The following SFI1 variants were observed in gnomAD, a reference collection of about 807,000 sequenced individuals.
SFI1 encodes protein SFI1 homolog.
A neutral mutation model predicts 207.5 loss-of-function variants in SFI1; 195 were observed. The ratio of observed to expected loss-of-function variants is 0.94; its 90% CI spans 0.84 to 1.06. SFI1 has a LOEUF of 1.06. Ranked by LOEUF, SFI1 falls within the 50% of genes least tolerant of loss-of-function variation. The probability of loss-of-function intolerance (pLI) is 0.00; values close to 1 mark genes in which losing one functional copy is unlikely to be tolerated. For synonymous variants in SFI1, 630 were observed against 598.9 expected, an observed-to-expected ratio of 1.05 and a Z score of -0.76; for missense variants, 1,634 against 1,588.0, an observed-to-expected ratio of 1.03 and a Z score of -0.49.
intron 10 of SFI1, 83 bp from the exon 11 acceptor site, chr22:31,578,299 C>T (rs1168356193): frequency 1.1e-5 from 15 of 1,351,814 alleles, no homozygotes; most frequent in East Asian, 7.3e-5. Flanking sequence ...CCGATAGCCA[C>T]GGCCCTTCAA....
intron 5 of SFI1, among the ~76,000 whole-genome samples, chr22:31,548,830 T>A (rs2060351188): frequency 6.6e-6 from 1 of 151,844 alleles, no homozygotes; most frequent in African/African-American, 2.4e-5. Context: ...AATTCTTTTT[T>A]AAATGAATGT....
At chr22:31,577,226 A>G (rs2063618200) in intron 10 of SFI1, among the ~76,000 whole-genome samples, 1 of 152,170 alleles carries the variant, frequency 6.6e-6, no homozygotes, top group Non-Finnish European at 1.5e-5. Context: ...CCAAGGAGGT[A>G]ATGTTTGTGC....
intron 2 of SFI1, among the ~76,000 whole-genome samples, chr22:31,514,647 C>T (rs1473992013): frequency 1.3e-5 from 2 of 151,860 alleles, no homozygotes; most frequent in African/African-American, 4.8e-5. Flanking sequence ...TCTATGCATT[C>T]AATTATTTTA....
At chr22:31,567,270 A>ATT (rs1465717797) in intron 8 of SFI1, among the ~76,000 whole-genome samples, 1 of 152,204 alleles carries the variant, frequency 6.6e-6, no homozygotes, top group Non-Finnish European at 1.5e-5. Flanking sequence ...AAATTGTCAT[A>ATT]TTGAGTCATT....
chr22:31,557,200 A>T (rs903460433), intron 7 of SFI1, 141 bp downstream of exon 7: 3 of 602,748 alleles, frequency 5.0e-6, no homozygotes, highest in Non-Finnish European at 8.6e-6. Flanking sequence ...TTTTTTCGAG[A>T]TAGGGTCTTA....
At chr22:31,603,269 G>T (rs1485514236) in intron 17 of SFI1, among the ~76,000 whole-genome samples, 1 of 152,148 alleles carries the variant, frequency 6.6e-6, no homozygotes, top group Admixed American at 6.6e-5. Flanking sequence ...GGAATAAACT[G>T]ATGGGCCCAT....
At chr22:31,541,224 C>T (rs2059456607) in intron 4 of SFI1, among the ~76,000 whole-genome samples, 1 of 151,974 alleles carries the variant, frequency 6.6e-6, no homozygotes, top group South Asian at 2.1e-4. Flanking sequence ...TCTCCCCCTA[C>T]AAGAAGACAC....
In SFI1 at chr22:31,611,770, T is replaced by C. The variant is rs1216090645; in HGVS notation, c.2420T>C (p.Leu807Pro). 1.2e-6 allele frequency: 2 copies of C among 1,613,246 alleles called. No individual in the cohort carries two copies. The highest frequency in any genetic ancestry group is 1.7e-6 in the Non-Finnish European group (2 of 1,179,948). ...TGTGCACTTGCTCTCCCCCAGCTCC[T>C]GCACAGGCAGAGCACCCAACTGCTG... ...HHLQCVRKRLLHRQSTQLLAQ... is the reference protein window; with the variant it reads ...HHLQCVRKRLPHRQSTQLLAQ... The change falls in exon 24 of 33, where the codon CTG (leucine) becomes CCG (proline). Residue 807 changes from leucine (L) to proline (P), a missense_variant. Physicochemically the swap from Leu to Pro is moderately conservative, Grantham distance 98 (BLOSUM62 -3). Transcript: ENST00000400288.
chr22:31,575,088 GTGTGTGTGTGTGTGTGT>G lies in SFI1; in HGVS notation c.923-142_923-126del. On this transcript the variant is annotated intron_variant, in intron 9 of 32. Coordinates refer to ENST00000400288, the MANE Select transcript of SFI1 (RefSeq NM_001007467.3). ...AAAAAAAAAAAAAAACTTAGTGCGTGTGTGTGTGTGTGTGTGTGTGTGTGTGTGTGTGTGGCCTTGAA... is the reference window on the plus strand; with the variant it reads ...AAAAAAAAAAAAAAACTTAGTGCGTGGTGTGTGTGTGTGTGTGGCCTTGAA... 11 of 8,894 alleles carry G rather than the reference GTGTGTGTGTGTGTGTGT, an allele frequency of 1.2e-3. No homozygotes were observed. In the East Asian group the frequency reaches 0.022, roughly 18 times the overall value. 0.6% of individuals were successfully genotyped at this position (8,894 alleles called of 1,614,324 possible). A position where few individuals can be genotyped will look rare whatever the true frequency, so the allele number is the denominator to read the frequency against.
In SFI1 at chr22:31,530,219, G is replaced by A. The variant is rs569152477; in HGVS notation, c.267-839G>A. Among the ~76,000 whole-genome samples, 34 of 135,148 alleles carry A rather than the reference G, an allele frequency of 2.5e-4. No individual in the cohort carries two copies. In the East Asian group the frequency reaches 3.2e-3, roughly 13 times the overall value. The allele number at this position is 135,148 out of a possible 152,430, so 88.7% of individuals were successfully genotyped here. A position where few individuals can be genotyped will look rare whatever the true frequency, so the allele number is the denominator to read the frequency against. ...AAAAAAAAAAGACAAGGCCGGGCGC[G>A]GTGGCTCACACCTGTAATCCCAGCA... On this transcript the variant is annotated intron_variant, in intron 3 of 32. Transcript: ENST00000400288.
intron 8 of SFI1, among the ~76,000 whole-genome samples, chr22:31,564,486 A>G (rs947606955): frequency 8.6e-5 from 13 of 150,896 alleles, no homozygotes; most frequent in Non-Finnish European, 1.6e-4. Context: ...AGCATTTTCT[A>G]TACTTGCTCC....
At chr22:31,576,058 T>C (rs2145936165) in intron 10 of SFI1, among the ~76,000 whole-genome samples, 1 of 151,596 alleles carries the variant, frequency 6.6e-6, no homozygotes, top group Middle Eastern at 3.4e-3. Context: ...GGACTCTTGC[T>C]CTGTCACCCA....
intron 1 of SFI1, among the ~76,000 whole-genome samples, chr22:31,506,893 A>G (rs545787356): frequency 6.6e-6 from 1 of 152,056 alleles, no homozygotes; most frequent in Non-Finnish European, 1.5e-5. Context: ...TTCCATGCTC[A>G]TGTATAGGAA....
rs749785694 is a variant in SFI1 at position 31,613,874 on chromosome 22, C to T, written c.2996+19C>T. ...TGGAGCTGTGAGTAGCCTGTGCTCA[C>T]CTTGTCCTCGCTTCCACCCTGGGCA... On this transcript the variant is annotated intron_variant, in intron 27 of 32. Transcript: ENST00000400288. 1.3e-6 allele frequency: 2 copies of T among 1,574,312 alleles called. No individual in the cohort carries two copies. The highest frequency in any genetic ancestry group is 1.7e-6 in the Non-Finnish European group (2 of 1,159,562).
chr22:31,588,947 T>C (rs4820051), intron 14 of SFI1, among the ~76,000 whole-genome samples: 12,953 of 152,328 alleles, frequency 0.085, 975 homozygotes, highest in East Asian at 0.4. Context: ...TCTGTCTTCC[T>C]ACTGATGTAT....
Position 31,545,584 on chromosome 22 carries a change from A to ATTTT in SFI1, c.339-1277_339-1276insTTTT, listed in dbSNP as rs1555984037. Among the ~76,000 whole-genome samples, 600 of 144,972 alleles carry ATTTT rather than the reference A, an allele frequency of 4.1e-3. 4 individuals carry two copies. Among genetic ancestry groups the ATTTT allele is most frequent in the East Asian group, 0.023 (101 of 4,340 alleles). On this transcript the variant is annotated intron_variant, in intron 4 of 32. Transcript: ENST00000400288. ...AATTTAATTTAATTTAATTTAATTTAATTTTATTTTATTTTGAGACGAAGT... is the reference window on the plus strand; with the variant it reads ...AATTTAATTTAATTTAATTTAATTTATTTTATTTTATTTTATTTTGAGACGAAGT...
chr22:31,524,174 C>A (rs1261801413), intron 2 of SFI1, among the ~76,000 whole-genome samples: 2 of 151,930 alleles, frequency 1.3e-5, no homozygotes, highest in African/African-American at 4.8e-5. Flanking sequence ...TGCACTCCAG[C>A]CTGGGCGACA....
chr22:31,617,518 C>T (rs1404245985), intron 31 of SFI1, among the ~76,000 whole-genome samples: 2 of 152,098 alleles, frequency 1.3e-5, no homozygotes, highest in Admixed American at 6.6e-5. Flanking sequence ...GTTAGGAGTT[C>T]AAGACCAGCC....
chr22:31,559,764 A>G (rs913101787), intron 7 of SFI1: 3 of 773,258 alleles, frequency 3.9e-6, no homozygotes, highest in Middle Eastern at 7.5e-4. Context: ...GATGGAAAAT[A>G]TAGCCAGGTC....
Sources: allele counts gnomAD v4.1 joint callset (sites outside exome capture counted in the v4.1 genomes callset), GRCh38; gene constraint gnomAD v4.1.1; transcripts MANE v1.5; gene names NCBI Gene and HGNC (gene_info 2026-07-23, HGNC 2026-07-21).